Variants in HSF2BP observed in about 807,000 individuals in gnomAD.
HSF2BP encodes the protein heat shock factor 2-binding protein.
Under a neutral mutation model 35.0 loss-of-function variants are expected in HSF2BP, and 35 were observed. The ratio of observed to expected loss-of-function variants is 1.00; its 90% CI spans 0.76 to 1.32. The LOEUF (loss-of-function observed/expected upper bound fraction) is 1.32, where lower values mean the gene tolerates loss of function less well. Among genes scored for constraint, HSF2BP ranks in the 40% most tolerant of loss-of-function variants. The pLI is 0.00. For synonymous variants in HSF2BP, 114 were observed against 117.4 expected (o/e 0.97, Z 0.18); for missense variants, 326 against 321.7 (o/e 1.01, Z -0.10).
intron 2 of HSF2BP, 159 bp downstream of exon 2, chr21:43,657,902 C>G: frequency 1.0e-6 from 1 of 985,482 alleles, no homozygotes; most frequent in Non-Finnish European, 1.2e-6. Flanking sequence ...AGGTCTCCAC[C>G]CCGCTCCGGC....
chr21:43,635,615 T>C (rs769503771), intron 4 of HSF2BP, among the ~76,000 whole-genome samples: 4 of 151,620 alleles, frequency 2.6e-5, no homozygotes, highest in Non-Finnish European at 4.4e-5. Flanking sequence ...AAAAAAAAAA[T>C]AATTCAAAAT....
intron 7 of HSF2BP, among the ~76,000 whole-genome samples, chr21:43,601,496 G>A (rs1213433393): frequency 5.3e-5 from 8 of 151,654 alleles, no homozygotes; most frequent in Non-Finnish European, 1.0e-4. Flanking sequence ...TTTCCTTATT[G>A]AAAAGGCCAA....
intron 7 of HSF2BP, among the ~76,000 whole-genome samples, chr21:43,599,101 T>C (rs1056584504): frequency 2.0e-5 from 3 of 152,250 alleles, no homozygotes; most frequent in Admixed American, 1.3e-4. Flanking sequence ...CAGGGAAACC[T>C]TCTGAAAAGA....
At chr21:43,467,752 A>ACACATCACACAG in the HSF2BP span, among the ~76,000 whole-genome samples, 3 of 89,128 alleles carry the variant, frequency 3.4e-5, 1 homozygote, top group South Asian at 1.3e-3. Context: ...ACCACACACC[A>ACACATCACACAG]CACACCCACA....
chr21:43,584,995 A>ATTTATTTATTTATTTAT (rs1568887870), intron 8 of HSF2BP, among the ~76,000 whole-genome samples: 17 of 151,482 alleles, frequency 1.1e-4, no homozygotes, highest in African/African-American at 4.1e-4. Flanking sequence ...ATTTTATTTA[A>ATTTATTTATTTATTTAT]TTATTTATTT....
chr21:43,577,294 A>G (rs1220417395), intron 8 of HSF2BP, among the ~76,000 whole-genome samples: 4 of 152,240 alleles, frequency 2.6e-5, no homozygotes, highest in African/African-American at 4.8e-5. Flanking sequence ...TTTATTCTGC[A>G]TATCAATAAA....
chr21:43,571,782 G>A (rs1354813231), intron 8 of HSF2BP, among the ~76,000 whole-genome samples: 1 of 126,172 alleles, frequency 7.9e-6, no homozygotes, highest in Non-Finnish European at 1.7e-5. Context: ...GTGAACAGAG[G>A]GACACGGTGA....
At chr21:43,636,894 C>CAAAAAAAAAAAAAAAAAAAAAAA (rs34578952) in intron 4 of HSF2BP, among the ~76,000 whole-genome samples, 2 of 112,058 alleles carry the variant, frequency 1.8e-5, no homozygotes, top group African/African-American at 3.2e-5. Flanking sequence ...CGTCTCAAAA[C>CAAAAAAAAAAAAAAAAAAAAAAA]AAAAAAAAAA....
At chr21:43,606,320 G>GTTCA (rs1231556026) in intron 7 of HSF2BP, among the ~76,000 whole-genome samples, 2 of 152,216 alleles carry the variant, frequency 1.3e-5, no homozygotes, top group Non-Finnish European at 2.9e-5. Context: ...TAGGAACAGA[G>GTTCA]AAGAAGGATG....
chr21:43,576,283 T>C (rs913802158), intron 8 of HSF2BP, among the ~76,000 whole-genome samples: 4 of 152,208 alleles, frequency 2.6e-5, no homozygotes, highest in African/African-American at 7.2e-5. Flanking sequence ...GAGTTCCTAA[T>C]TGTCTGCAAG....
chr21:43,580,656 G>A (rs560921785), intron 8 of HSF2BP, among the ~76,000 whole-genome samples: 8 of 152,284 alleles, frequency 5.3e-5, no homozygotes, highest in East Asian at 3.9e-4. Context: ...TATTAGCCCC[G>A]TGTTTACACT....
chr21:43,658,557 G>A (rs932378861), intron 1 of HSF2BP, among the ~76,000 whole-genome samples: 7 of 152,178 alleles, frequency 4.6e-5, no homozygotes, highest in African/African-American at 1.7e-4. Context: ...ACAACTGAGC[G>A]GAGCAACTGA....
In HSF2BP at chr21:43,655,168, C is replaced by T. The variant is rs139845420; in HGVS notation, c.187+1419G>A. 3.3e-5 allele frequency among the ~76,000 whole-genome samples: 5 copies of T among 152,290 alleles called. No homozygotes were observed. The East Asian group carries it at 9.6e-4, about 29-fold the overall frequency. ...TATTAATTTACAGTGAGAATATAAC[C>T]AACCAGCAGGCTGCCATACGCTGCT... On this transcript the variant is annotated intron_variant, in intron 3 of 8. Coordinates refer to ENST00000291560, the MANE Select transcript of HSF2BP (RefSeq NM_007031.2).
At chr21:43,590,459 A>G (rs2081912057) in intron 8 of HSF2BP, among the ~76,000 whole-genome samples, 1 of 152,226 alleles carries the variant, frequency 6.6e-6, no homozygotes, top group East Asian at 1.9e-4. Flanking sequence ...CACATGTCTC[A>G]GTGATCCCAC....
the HSF2BP span, among the ~76,000 whole-genome samples, chr21:43,499,934 G>A: frequency 1.2e-4 from 12 of 99,636 alleles, 2 homozygotes; most frequent in African/African-American, 4.5e-4. Context: ...CTTATACCAC[G>A]CTCACCCCAC....
chr21:43,656,087 T>C (rs959558308), intron 3 of HSF2BP, among the ~76,000 whole-genome samples: 2 of 152,170 alleles, frequency 1.3e-5, no homozygotes, highest in African/African-American at 4.8e-5. Context: ...GCTCCTAAAC[T>C]GGTATTCAAC....
At chr21:43,576,181 A>G (rs1028082779) in intron 8 of HSF2BP, among the ~76,000 whole-genome samples, 1 of 151,896 alleles carries the variant, frequency 6.6e-6, no homozygotes, top group Non-Finnish European at 1.5e-5. Context: ...AATGATATCA[A>G]TCTCAGATGT....
At chr21:43,572,973 T>C (rs927591004) in intron 8 of HSF2BP, among the ~76,000 whole-genome samples, 3 of 152,208 alleles carry the variant, frequency 2.0e-5, no homozygotes, top group Non-Finnish European at 4.4e-5. Context: ...ATTAAATCTG[T>C]GAGAGTGAGA....
intron 8 of HSF2BP, among the ~76,000 whole-genome samples, chr21:43,585,659 A>G (rs1339346195): frequency 6.6e-6 from 1 of 151,892 alleles, no homozygotes; most frequent in African/African-American, 2.4e-5. Context: ...AAAAAAAAAA[A>G]CACCTAGGTG....
Sources: gnomAD v4.1 joint callset for allele counts (sites outside exome capture counted in the v4.1 genomes callset) on GRCh38, gnomAD v4.1.1 for gene constraint, MANE v1.5 for transcripts, NCBI Gene and HGNC (gene_info 2026-07-23, HGNC 2026-07-21) for gene names.